The following DHRS7B variants were observed in gnomAD, a reference collection of about 807,000 sequenced individuals.
The protein encoded by DHRS7B is peroxisomal reductase activating PPAR-gamma.
In DHRS7B, 24 loss-of-function variants were observed where a neutral mutation model predicts 26.4. That is an observed-to-expected ratio of 0.91 (90% CI 0.66 to 1.28). The LOEUF is 1.28. DHRS7B is among the 50% of genes most tolerant of loss of function. The probability of loss-of-function intolerance (pLI) is 0.00; values close to 1 mark genes in which losing one functional copy is unlikely to be tolerated. For synonymous variants in DHRS7B, 142 were observed against 166.4 expected (o/e 0.85, Z 1.13); for missense variants, 368 against 419.4 (o/e 0.88, Z 1.07).
At chr17:21,135,621 G>T (rs1455091954) in intron 1 of DHRS7B, among the ~76,000 whole-genome samples, 1 of 152,090 alleles carries the variant, frequency 6.6e-6, no homozygotes, top group Non-Finnish European at 1.5e-5. Flanking sequence ...AATTAAATTT[G>T]TTTTTTAAAA....
chr17:21,167,849 G>C (rs138375991), intron 1 of DHRS7B, among the ~76,000 whole-genome samples: 159 of 152,298 alleles, frequency 1.0e-3, no homozygotes, highest in Non-Finnish European at 1.6e-3. Flanking sequence ...ATGCATGATT[G>C]ATAAATATAT....
chr17:21,188,664 C>G (rs1464982854), intron 5 of DHRS7B, 47 bp from the exon 6 acceptor site: 2 of 1,526,874 alleles, frequency 1.3e-6, no homozygotes, highest in Non-Finnish European at 8.8e-7. Context: ...CCAGGCCATG[C>G]CCACCCCAGC....
In DHRS7B at chr17:21,126,996, G is replaced by C. The variant is rs1432608770; in HGVS notation, c.20+5G>C. 2.6e-6 allele frequency: 4 copies of C among 1,521,944 alleles called. No homozygotes were observed. The highest frequency in any genetic ancestry group is 5.4e-5 in the East Asian group (2 of 37,336). 94.3% of individuals were successfully genotyped at this position (1,521,944 alleles called of 1,614,324 possible). Reference sequence around the variant, plus strand: ...TATGGTCTCTCCGGCTACCAGGTAGGGGCTGGGGAAGAAGGAACCTCCGAG... The same window carrying C: ...TATGGTCTCTCCGGCTACCAGGTAGCGGCTGGGGAAGAAGGAACCTCCGAG... On this transcript the variant is annotated splice_donor_5th_base_variant and intron_variant, in intron 1 of 6. Transcript: ENST00000395511.
intron 2 of DHRS7B, among the ~76,000 whole-genome samples, chr17:21,176,715 G>A (rs957399479): frequency 1.3e-5 from 2 of 151,578 alleles, no homozygotes; most frequent in African/African-American, 2.4e-5. Flanking sequence ...TCAATCTCAC[G>A]GTCACACCCC....
At chr17:21,164,779 C>G (rs577610762) in intron 1 of DHRS7B, among the ~76,000 whole-genome samples, 2 of 152,296 alleles carry the variant, frequency 1.3e-5, no homozygotes, top group East Asian at 3.9e-4. Context: ...TGCCCTCCAC[C>G]CCAGCCCTAG....
chr17:21,145,281 G>A (rs1041476581), intron 1 of DHRS7B, among the ~76,000 whole-genome samples: 5 of 151,776 alleles, frequency 3.3e-5, no homozygotes, highest in East Asian at 1.9e-4. Flanking sequence ...CCGGGATCGC[G>A]CCACTGCATT....
chr17:21,178,338 C>T lies in DHRS7B; in HGVS notation c.305C>T (p.Thr102Ile). ...LIRELTASHA[T>I]KVQTHKPYLV... ...AGAGAACTCACCGCTTCTCATGCCA[C>T]CAAGGTGAGCCAGGGGCGTGCTTTC... is the stretch of plus-strand genomic sequence containing the variant. The change falls in exon 3 of 7, where the codon ACC becomes ATC. Residue 102 changes from threonine (T) to isoleucine (I), a missense_variant. Transcript: ENST00000395511. The T allele has an allele frequency of 6.2e-7, 1 of 1,613,602 alleles. No homozygotes were observed.
chr17:21,161,217 G>A (rs1425176871), intron 1 of DHRS7B, among the ~76,000 whole-genome samples: 1 of 152,222 alleles, frequency 6.6e-6, no homozygotes, highest in Non-Finnish European at 1.5e-5. Context: ...TAACAATGAT[G>A]TGACAGCATA....
intron 1 of DHRS7B, among the ~76,000 whole-genome samples, chr17:21,163,719 C>G (rs922352686): frequency 2.0e-5 from 3 of 152,122 alleles, no homozygotes; most frequent in African/African-American, 4.8e-5. Context: ...CTTGTTGATT[C>G]ACTGATATCC....
intron 1 of DHRS7B, among the ~76,000 whole-genome samples, chr17:21,170,102 G>C (rs1432045753): frequency 6.6e-6 from 1 of 151,820 alleles, no homozygotes; most frequent in Non-Finnish European, 1.5e-5. Context: ...GCCTTCTCTT[G>C]CCTTTTGTCA....
At chr17:21,164,029 G>GTTTTTTTTTTTTTTT (rs1476090515) in intron 1 of DHRS7B, among the ~76,000 whole-genome samples, 5 of 43,804 alleles carry the variant, frequency 1.1e-4, no homozygotes, top group Admixed American at 2.1e-4. Context: ...CAATTGTTGT[G>GTTTTTTTTTTTTTTT]CTTTTTTTTT....
At chr17:21,154,594 A>G (rs1342156745) in intron 1 of DHRS7B, among the ~76,000 whole-genome samples, 2 of 152,246 alleles carry the variant, frequency 1.3e-5, no homozygotes, top group East Asian at 3.8e-4. Flanking sequence ...TCTGATCTAC[A>G]TAAAAGAACA....
intron 1 of DHRS7B, among the ~76,000 whole-genome samples, chr17:21,137,708 C>T (rs527593315): frequency 8.7e-4 from 133 of 152,074 alleles, no homozygotes; most frequent in Admixed American, 4.4e-3. Flanking sequence ...CCGACTGCCT[C>T]GGCCTCCCAA....
Position 21,188,811 on chromosome 17 carries a change from C to T in DHRS7B, c.720C>T (p.Ile240=). The change falls in exon 6 of 7, where the codon ATC becomes ATT. Residue 240 remains isoleucine, a synonymous_variant. Transcript: ENST00000395511. The part of the protein sequence containing the change: ...IEVTVISPGY[I]HTNLSVNAIT... ...TGACCGTCATCAGCCCCGGCTACAT[C>T]CACACCAACCTCTCTGTAAATGCCA... The T allele has an allele frequency of 6.2e-7, 1 of 1,614,204 alleles. No individual in the cohort carries two copies. The highest frequency in any genetic ancestry group is 8.5e-7 in the Non-Finnish European group (1 of 1,180,036).
chr17:21,157,903 C>T (rs1298373010), intron 1 of DHRS7B, among the ~76,000 whole-genome samples: 3 of 151,814 alleles, frequency 2.0e-5, no homozygotes, highest in African/African-American at 7.3e-5. Flanking sequence ...TGAGATTGCA[C>T]CACTGCACCC....
chr17:21,141,847 C>T (rs1007950582), intron 1 of DHRS7B, among the ~76,000 whole-genome samples: 5 of 152,004 alleles, frequency 3.3e-5, no homozygotes, highest in Non-Finnish European at 7.4e-5. Flanking sequence ...GCAAATCGTC[C>T]TATTGGTTTG....
At chr17:21,136,481 C>T (rs1282829726) in intron 1 of DHRS7B, among the ~76,000 whole-genome samples, 1 of 151,916 alleles carries the variant, frequency 6.6e-6, no homozygotes, top group Non-Finnish European at 1.5e-5. Flanking sequence ...CTTTGCACTC[C>T]AGCCTGGGCA....
chr17:21,175,596 A>G (rs1974358621), intron 2 of DHRS7B, among the ~76,000 whole-genome samples: 1 of 152,202 alleles, frequency 6.6e-6, no homozygotes, highest in African/African-American at 2.4e-5. Context: ...TCTGCTGGTG[A>G]GCACTTAAGG....
At chr17:21,174,221 C>T (rs11650481) in intron 2 of DHRS7B, among the ~76,000 whole-genome samples, 2,114 of 152,372 alleles carry the variant, frequency 0.014, 35 homozygotes, top group Middle Eastern at 0.034. Context: ...CCTGCCGTGT[C>T]AGCCACCCGG....
Sources: gnomAD v4.1 joint callset for allele counts (sites outside exome capture counted in the v4.1 genomes callset) on GRCh38, gnomAD v4.1.1 for gene constraint, MANE v1.5 for transcripts, NCBI Gene and HGNC (gene_info 2026-07-23, HGNC 2026-07-21) for gene names.